The following CHST8 variants were observed in gnomAD, a reference collection of about 807,000 sequenced individuals.
The protein encoded by CHST8 is carbohydrate sulfotransferase 8, also known as GALNAC-4-ST1.
A neutral mutation model predicts 15.0 loss-of-function variants in CHST8; 10 were observed. That is an observed-to-expected ratio of 0.67 (90% CI 0.41 to 1.13). The LOEUF (loss-of-function observed/expected upper bound fraction) is 1.13, where lower values mean the gene tolerates loss of function less well. CHST8 is among the 50% of genes most tolerant of loss of function. The pLI, the probability that CHST8 is intolerant of heterozygous loss-of-function variation, is 0.00. For synonymous variants in CHST8, 259 were observed against 256.6 expected (o/e 1.01, Z -0.09); for missense variants, 634 against 608.2 (o/e 1.04, Z -0.45).
At chr19:33,766,069 A>G (rs1008638042) in intron 3 of CHST8, among the ~76,000 whole-genome samples, 2 of 152,122 alleles carry the variant, frequency 1.3e-5, no homozygotes, top group Middle Eastern at 3.4e-3. Flanking sequence ...CTGCTGGCAG[A>G]TTTTAGATTG....
intron 3 of CHST8, among the ~76,000 whole-genome samples, chr19:33,698,588 T>C (rs546918699): frequency 6.6e-6 from 1 of 151,282 alleles, no homozygotes; most frequent in East Asian, 2.0e-4. Flanking sequence ...AGGGCAGTGG[T>C]CTTGGTTCAG....
intron 1 of CHST8, among the ~76,000 whole-genome samples, chr19:33,659,903 T>G (rs1246948489): frequency 1.3e-5 from 2 of 152,256 alleles, no homozygotes; most frequent in Non-Finnish European, 2.9e-5. Flanking sequence ...TTTGTAGACT[T>G]GGAAGCTATG....
At chr19:33,692,033 G>A (rs532226587) in intron 3 of CHST8, among the ~76,000 whole-genome samples, 6 of 152,286 alleles carry the variant, frequency 3.9e-5, no homozygotes, top group Non-Finnish European at 8.8e-5. Flanking sequence ...CGCAGCCACC[G>A]GATATTAACA....
At chr19:33,762,706 C>T (rs1227083395) in intron 3 of CHST8, among the ~76,000 whole-genome samples, 1 of 152,218 alleles carries the variant, frequency 6.6e-6, no homozygotes, top group African/African-American at 2.4e-5. Context: ...CGCTTTGTGT[C>T]CCATTTGGTG....
chr19:33,658,176 C>T (rs1269644862), intron 1 of CHST8, among the ~76,000 whole-genome samples: 2 of 152,122 alleles, frequency 1.3e-5, no homozygotes, highest in Admixed American at 6.5e-5. Flanking sequence ...CCTGTCTCTA[C>T]CACAAATCCA....
At chr19:33,739,741 C>T (rs139049738) in intron 3 of CHST8, among the ~76,000 whole-genome samples, 3 of 152,256 alleles carry the variant, frequency 2.0e-5, no homozygotes, top group African/African-American at 7.2e-5. Context: ...CCTTTTGTCT[C>T]TTCTAATAGT....
chr19:33,686,959 C>G (rs1047951885), intron 2 of CHST8, among the ~76,000 whole-genome samples: 3 of 152,260 alleles, frequency 2.0e-5, no homozygotes, highest in Admixed American at 6.5e-5. Flanking sequence ...TCCCGAGAGA[C>G]CTTGCAGGTT....
At chr19:33,699,320 C>A (rs1392930897) in intron 3 of CHST8, among the ~76,000 whole-genome samples, 1 of 152,150 alleles carries the variant, frequency 6.6e-6, no homozygotes, top group African/African-American at 2.4e-5. Context: ...AGGAGGTTAT[C>A]CAGGCCCTTC....
chr19:33,723,234 A>G (rs1568343147), intron 3 of CHST8, among the ~76,000 whole-genome samples: 1 of 152,144 alleles, frequency 6.6e-6, no homozygotes, highest in Admixed American at 6.5e-5. Flanking sequence ...GTATCTGAGT[A>G]TTTGTTTGAG....
chr19:33,660,793 C>T (rs556739174), intron 1 of CHST8, among the ~76,000 whole-genome samples: 2 of 152,342 alleles, frequency 1.3e-5, no homozygotes, highest in South Asian at 4.1e-4. Context: ...TTGTCAACAG[C>T]CAGTGCCTTG....
At chr19:33,658,272 G>C (rs35991147) in intron 1 of CHST8, among the ~76,000 whole-genome samples, 1 of 152,042 alleles carries the variant, frequency 6.6e-6, no homozygotes. Flanking sequence ...CTCGGGAGGC[G>C]GAGATTGCAG....
chr19:33,766,172 C>T (rs1320537316), intron 3 of CHST8, among the ~76,000 whole-genome samples: 2 of 151,892 alleles, frequency 1.3e-5, no homozygotes, highest in African/African-American at 4.8e-5. Context: ...TCCTTCTCTC[C>T]TCTCCCTGTC....
chr19:33,707,550 A>G (rs983980380), intron 3 of CHST8, among the ~76,000 whole-genome samples: 1 of 152,090 alleles, frequency 6.6e-6, no homozygotes, highest in African/African-American at 2.4e-5. Flanking sequence ...ACTCTGCATG[A>G]TGGTTTTGAG....
At chr19:33,647,253 G>A (rs943869884) in intron 1 of CHST8, among the ~76,000 whole-genome samples, 20 of 152,336 alleles carry the variant, frequency 1.3e-4, no homozygotes, top group African/African-American at 4.3e-4. Flanking sequence ...AAGACCCAAA[G>A]CAAGGCAAGA....
intron 3 of CHST8, among the ~76,000 whole-genome samples, chr19:33,768,628 A>G (rs888070698): frequency 6.6e-6 from 1 of 151,720 alleles, no homozygotes; most frequent in Non-Finnish European, 1.5e-5. Context: ...ATTTTTTTGT[A>G]TTTTTAGTAG....
At position 33,765,070 on chromosome 19, in the gene CHST8, A is replaced by ATATATATATATATATGTATG. The variant is rs71181381; in HGVS notation, c.131-6340_131-6339insATATATATATATGTATGTAT. On this transcript the variant is annotated intron_variant, in intron 3 of 4. Transcript: ENST00000650847. ...TATTCCATCATATATATATATATAT[A>ATATATATATATATATGTATG]TATCAGAGTTTCTTTATCCACTCGT... 3.5e-5 allele frequency among the ~76,000 whole-genome samples: 4 copies of ATATATATATATATATGTATG among 113,144 alleles called. 1 individual carries two copies. The highest frequency in any genetic ancestry group is 1.3e-4 in the African/African-American group (3 of 23,774). 74.2% of individuals were successfully genotyped at this position (113,144 alleles called of 152,430 possible). A position where few individuals can be genotyped will look rare whatever the true frequency, so the allele number is the denominator to read the frequency against.
chr19:33,738,054 CCTTTTCCCATTCTT>C (rs1974118672), intron 3 of CHST8, among the ~76,000 whole-genome samples: 3 of 152,164 alleles, frequency 2.0e-5, no homozygotes, highest in Non-Finnish European at 4.4e-5. Context: ...ATCCAATTAC[CCTTTTCCCATTCTT>C]GATGAGGATA....
intron 2 of CHST8, among the ~76,000 whole-genome samples, chr19:33,673,857 G>A (rs1358846297): frequency 2.0e-5 from 3 of 152,156 alleles, no homozygotes; most frequent in East Asian, 1.9e-4. Context: ...GGGTTCCAGC[G>A]ATTCTTCTGC....
intron 1 of CHST8, among the ~76,000 whole-genome samples, chr19:33,647,812 T>C (rs1055733250): frequency 4.6e-5 from 7 of 151,846 alleles, no homozygotes; most frequent in African/African-American, 1.7e-4. Flanking sequence ...TGCCACTGCA[T>C]TCCAGCCTGG....
Sources: allele counts gnomAD v4.1 joint callset (sites outside exome capture counted in the v4.1 genomes callset), GRCh38; gene constraint gnomAD v4.1.1; transcripts MANE v1.5; gene names NCBI Gene and HGNC (gene_info 2026-07-23, HGNC 2026-07-21).